PCDHGA1: variants seen among roughly 807,000 people sequenced by gnomAD.
PCDHGA1 encodes protocadherin gamma subfamily A, 1, also known as protocadherin gamma-A1.
PCDHGA1 carries 32 observed loss-of-function variants against 58.0 expected under a neutral mutation model. The observed-to-expected ratio is 0.55, with a 90% confidence interval of 0.42 to 0.74. The LOEUF is 0.74. Ranked by LOEUF, PCDHGA1 falls within the 30% of genes least tolerant of loss-of-function variation. The pLI is 0.00. For missense variants in PCDHGA1, 1,205 were observed against 1,182.3 expected, an observed-to-expected ratio of 1.02 and a Z score of -0.28; for synonymous variants, 498 against 501.1, an observed-to-expected ratio of 0.99 and a Z score of 0.08.
chr5:141,362,699 T>C, intron 1 of PCDHGA1: 2 of 1,033,006 alleles, frequency 1.9e-6, no homozygotes, highest in Non-Finnish European at 2.7e-6. Flanking sequence ...TCTAACTGAA[T>C]TTTAAGTGTT....
chr5:141,496,932 T>G (rs1336402833), intron 2 of PCDHGA1, among the ~76,000 whole-genome samples: 1 of 148,964 alleles, frequency 6.7e-6, no homozygotes, highest in Non-Finnish European at 1.5e-5. Context: ...ACGCCTGTAA[T>G]CCCAGCACTT....
Position 141,357,014 on chromosome 5 carries a change from C to A in PCDHGA1, c.2421+23909C>A, listed in dbSNP as rs377201838. ...GACTCAGGTCAGAATGCCTGGCTGT[C>A]CTACAGCCTACTCAAGTCCAGCGAG... On this transcript the variant is annotated intron_variant, in intron 1 of 3. Coordinates refer to ENST00000517417, the MANE Select transcript of PCDHGA1 (RefSeq NM_018912.3). 9.9e-6 allele frequency: 16 copies of A among 1,614,012 alleles called. No homozygotes were observed. The African/African-American group carries it at 1.6e-4, about 16-fold the overall frequency.
intron 1 of PCDHGA1, chr5:141,341,750 A>G: frequency 2.4e-6 from 1 of 414,894 alleles, no homozygotes. Flanking sequence ...AAATATAAAG[A>G]TTGGAGTTTA....
chr5:141,413,921 C>G, intron 1 of PCDHGA1: 2 of 1,613,360 alleles, frequency 1.2e-6, no homozygotes, highest in Middle Eastern at 1.6e-4. Flanking sequence ...TTCACCTTGC[C>G]AGAATACCGA....
At chr5:141,360,679 G>T in intron 1 of PCDHGA1, 1 of 1,613,988 alleles carries the variant, frequency 6.2e-7, no homozygotes, top group Non-Finnish European at 8.5e-7. Context: ...TGATCTCGCT[G>T]AGAAACAGAC....
chr5:141,459,580 G>C (rs1364413383), intron 1 of PCDHGA1, among the ~76,000 whole-genome samples: 1 of 152,118 alleles, frequency 6.6e-6, no homozygotes, highest in Non-Finnish European at 1.5e-5. Flanking sequence ...GAATTGTTTT[G>C]GGGGTCATAT....
intron 1 of PCDHGA1, chr5:141,427,790 C>A: frequency 1.3e-6 from 2 of 1,482,222 alleles, no homozygotes; most frequent in Non-Finnish European, 1.9e-6. Context: ...TGTCGTCCTA[C>A]GTGTCCGTGA....
At chr5:141,356,208 A>T in intron 1 of PCDHGA1, 1 of 1,605,906 alleles carries the variant, frequency 6.2e-7, no homozygotes, top group African/African-American at 1.3e-5. Flanking sequence ...TACTGGTGAC[A>T]GTTCTGGATG....
intron 1 of PCDHGA1, among the ~76,000 whole-genome samples, chr5:141,492,968 C>T: frequency 6.6e-6 from 1 of 152,240 alleles, no homozygotes; most frequent in East Asian, 1.9e-4. Flanking sequence ...GACACTCTAA[C>T]AAGTCCTGTC....
intron 1 of PCDHGA1, chr5:141,440,761 C>T (rs2098198732): frequency 6.6e-6 from 1 of 152,172 alleles, no homozygotes; most frequent in African/African-American, 2.4e-5. Context: ...GCAGAGCTCC[C>T]ATCCCTTAGT....
intron 2 of PCDHGA1, among the ~76,000 whole-genome samples, chr5:141,501,057 C>T (rs185929124): frequency 9.7e-4 from 147 of 151,960 alleles, no homozygotes; most frequent in African/African-American, 3.4e-3. Context: ...TTAGTAGAGA[C>T]GGGGTTTCAC....
At chr5:141,362,694 C>A in intron 1 of PCDHGA1, 1 of 1,100,690 alleles carries the variant, frequency 9.1e-7, no homozygotes. Flanking sequence ...TCTTATCTAA[C>A]TGAATTTTAA....
chr5:141,354,034 C>T (rs907415407), intron 1 of PCDHGA1, among the ~76,000 whole-genome samples: 6 of 152,120 alleles, frequency 3.9e-5, no homozygotes, highest in African/African-American at 1.2e-4. Flanking sequence ...AGAAAGAAAG[C>T]GATGGCACAT....
intron 1 of PCDHGA1, chr5:141,415,323 G>C: frequency 1.9e-6 from 3 of 1,614,236 alleles, no homozygotes; most frequent in South Asian, 2.2e-5. Flanking sequence ...TCGTGCTGCT[G>C]GCGCACAGGC....
intron 1 of PCDHGA1, chr5:141,361,614 G>T (rs919763957): frequency 6.2e-7 from 1 of 1,613,946 alleles, no homozygotes. Flanking sequence ...CCATCGTAGC[G>T]AGCGACCTGA....
intron 1 of PCDHGA1, chr5:141,364,794 C>T (rs1763540796): frequency 6.2e-7 from 1 of 1,613,872 alleles, no homozygotes; most frequent in Non-Finnish European, 8.5e-7. Context: ...TTAGTGCTTC[C>T]CTTCGCGCGG....
chr5:141,427,224 A>G (rs1269896138), intron 1 of PCDHGA1: 1 of 456,768 alleles, frequency 2.2e-6, no homozygotes, highest in East Asian at 6.9e-5. Context: ...TAGCAGTTAT[A>G]CCATGAGAGT....
chr5:141,389,894 G>A (rs754241365), intron 1 of PCDHGA1: 56 of 1,613,970 alleles, frequency 3.5e-5, no homozygotes, highest in Non-Finnish European at 4.7e-5. Flanking sequence ...AGGAGGTGCT[G>A]CCGGATATCA....
At chr5:141,455,430 G>C (rs190218223) in intron 1 of PCDHGA1, among the ~76,000 whole-genome samples, 1 of 152,274 alleles carries the variant, frequency 6.6e-6, no homozygotes, top group Admixed American at 6.5e-5. Flanking sequence ...CTCCAAAAGA[G>C]GAGGTCCCCA....
Sources: gnomAD v4.1 joint callset for allele counts (sites outside exome capture counted in the v4.1 genomes callset) on GRCh38, gnomAD v4.1.1 for gene constraint, MANE v1.5 for transcripts, NCBI Gene and HGNC (gene_info 2026-07-23, HGNC 2026-07-21) for gene names.